SYN1: variants seen among roughly 807,000 people sequenced by gnomAD.
SYN1 encodes the protein synapsin-1.
Under a neutral mutation model 44.6 loss-of-function variants are expected in SYN1, and 8 were observed. The observed-to-expected ratio is 0.18, with a 90% CI of 0.11 to 0.32. The LOEUF (loss-of-function observed/expected upper bound fraction) is 0.32, where lower values mean the gene tolerates loss of function less well. Ranked by LOEUF, SYN1 falls within the 10% of genes least tolerant of loss-of-function variation. The pLI, the probability that SYN1 is intolerant of heterozygous loss-of-function variation, is 1.00. For missense variants in SYN1, 451 were observed against 639.4 expected (o/e 0.71, Z 3.18); for synonymous variants, 275 against 280.1 (o/e 0.98, Z 0.18).
At chrX:47,609,983 G>A (rs1346602165) in intron 1 of SYN1, among the ~76,000 whole-genome samples, 1 of 111,694 alleles carries the variant, frequency 9.0e-6, no homozygotes, top group African/African-American at 3.3e-5. Flanking sequence ...CTTGAGTGAT[G>A]TCAGGGAAAT....
In SYN1 at chrX:47,619,483, G is replaced by A. The variant is rs1448069252; in HGVS notation, c.246C>T (p.Asn82=). The A allele has an allele frequency of 8.3e-7, 1 of 1,198,360 alleles. No individual in the cohort carries two copies. Residue 82 remains asparagine, a synonymous_variant, in exon 1 of 13, where the codon AAC becomes AAT. Coordinates refer to ENST00000295987, the MANE Select transcript of SYN1 (RefSeq NM_006950.3). ...GGGGFFSSLS[N]AVKQTTAAAA... ...CCGCCGCCGTGGTCTGCTTGACCGC[G>A]TTGGACAGCGACGAGAAGAAGCCAC...
chrX:47,585,126 T>C, intron 5 of SYN1: 4 of 1,167,046 alleles, frequency 3.4e-6, no homozygotes, highest in Non-Finnish European at 4.6e-6. Context: ...GATCTTGGGA[T>C]GCTATATGAC....
At chrX:47,579,837 C>T (rs1027052770) in intron 5 of SYN1, among the ~76,000 whole-genome samples, 3 of 104,012 alleles carry the variant, frequency 2.9e-5, no homozygotes, top group African/African-American at 1.0e-4. Context: ...TCCCTTCCTC[C>T]CTGTTTTTGT....
At position 47,577,631 on chromosome X, in the gene SYN1, A is replaced by G. The variant is rs112999731; in HGVS notation, c.775-130T>C. 2,586 of 579,658 alleles carry G rather than the reference A, an allele frequency of 4.5e-3. 45 individuals carry two copies. In the African/African-American group the frequency reaches 0.05, roughly 11 times the overall value. 47.8% of individuals were successfully genotyped at this position (579,658 alleles called of 1,213,427 possible). A position where few individuals can be genotyped will look rare whatever the true frequency, so the allele number is the denominator to read the frequency against. The stretch of plus-strand genomic sequence containing the variant: ...TCACTTCCCAGGACACACAGGTCAG[A>G]GACAGGCAGGCAGCAGCTGGGGGTC... On this transcript the variant is annotated intron_variant, in intron 5 of 12. Coordinates refer to ENST00000295987, the MANE Select transcript of SYN1 (RefSeq NM_006950.3).
chrX:47,600,474 G>C (rs57153412), intron 5 of SYN1, among the ~76,000 whole-genome samples: 8,512 of 111,561 alleles, frequency 0.076, 708 homozygotes, highest in East Asian at 0.23. Context: ...GCTGGAATTA[G>C]AGGTGTGAGC....
At chrX:47,585,518 G>T in intron 5 of SYN1, 2 of 1,197,625 alleles carry the variant, frequency 1.7e-6, no homozygotes, top group Non-Finnish European at 2.3e-6. Context: ...CTGCTTGTCG[G>T]TCCCCGCCCC....
chrX:47,596,764 G>A (rs1310324971), intron 5 of SYN1, among the ~76,000 whole-genome samples: 1 of 111,634 alleles, frequency 9.0e-6, no homozygotes, highest in African/African-American at 3.3e-5. Context: ...GATTCCCAGA[G>A]TTGCCACATT....
At chrX:47,584,057 G>T (rs2057811694) in intron 5 of SYN1, among the ~76,000 whole-genome samples, 1 of 111,265 alleles carries the variant, frequency 9.0e-6, no homozygotes, top group Non-Finnish European at 1.9e-5. Flanking sequence ...TCTGTGGGTG[G>T]AAATTACTAA....
chrX:47,586,430 C>T (rs748369673), intron 5 of SYN1: 13 of 1,138,343 alleles, frequency 1.1e-5, no homozygotes, highest in East Asian at 3.0e-5. Context: ...GTCTCCCCAG[C>T]GGCTCAGTGT....
Position 47,574,739 on chromosome X carries a change from T to A in SYN1, c.1342A>T (p.Thr448Ser), listed in dbSNP as rs770878318. The A allele has an allele frequency of 2.5e-6, 3 of 1,184,764 alleles. No individual in the cohort carries two copies. The African/African-American group carries it at 5.4e-5, about 21-fold the overall frequency. ...GGGGGCCCTGCGGGCTGCTGGGAGGTCTGGCGGCCCAAGGGCAGGGCCCCT... is the reference window on the plus strand; with the variant it reads ...GGGGGCCCTGCGGGCTGCTGGGAGGACTGGCGGCCCAAGGGCAGGGCCCCT... ...SPGALPLGRQ[T>S]SQQPAGPPAQ... The change falls in exon 11 of 13, where the codon ACC becomes TCC. Residue 448 changes from threonine (T) to serine (S), a missense_variant. Transcript: ENST00000295987.
At chrX:47,586,476 G>A in intron 5 of SYN1, 2 of 1,192,729 alleles carry the variant, frequency 1.7e-6, no homozygotes, top group Non-Finnish European at 2.3e-6. Context: ...CTCCACGGGG[G>A]AGGCAGGGAG....
chrX:47,575,426 C>A, intron 9 of SYN1, 152 bp from the exon 10 acceptor site: 1 of 767,123 alleles, frequency 1.3e-6, no homozygotes, highest in Non-Finnish European at 1.9e-6. Flanking sequence ...CTTGTCTGTT[C>A]CAAGGTACCT....
chrX:47,607,214 A>G lies in SYN1; in HGVS notation c.378-16T>C. 1 of 1,204,922 alleles carries G rather than the reference A, an allele frequency of 8.3e-7. No individual in the cohort carries two copies. Among genetic ancestry groups the G allele is most frequent in the Non-Finnish European group, 1.1e-6 (1 of 889,173 alleles). On this transcript the variant is annotated splice_polypyrimidine_tract_variant and intron_variant, in intron 1 of 12. Coordinates refer to ENST00000295987, the MANE Select transcript of SYN1 (RefSeq NM_006950.3). ...GTATTTTGCCCTGGAGAGGAAAAAC[A>G]ACACATCTGTCAATGATGAAATCTC...
intron 3 of SYN1, among the ~76,000 whole-genome samples, chrX:47,606,168 T>C (rs1297135640): frequency 4.5e-5 from 5 of 111,643 alleles, no homozygotes; most frequent in African/African-American, 1.3e-4. Context: ...GCTGGGATTA[T>C]AGGCATGAGC....
At chrX:47,615,172 AAT>A (rs1193434001) in intron 1 of SYN1, among the ~76,000 whole-genome samples, 7 of 112,256 alleles carry the variant, frequency 6.2e-5, no homozygotes, top group Non-Finnish European at 9.4e-5. Context: ...TTGTACAGCA[AAT>A]ATGAGAATAT....
At chrX:47,606,295 C>CTT (rs373349784) in intron 3 of SYN1, among the ~76,000 whole-genome samples, 118 of 99,800 alleles carry the variant, frequency 1.2e-3, no homozygotes, top group South Asian at 0.011. Flanking sequence ...GGTTCTTTTT[C>CTT]TTTTTTTTTT....
chrX:47,606,081 C>T (rs191616317), intron 3 of SYN1, among the ~76,000 whole-genome samples: 1 of 109,223 alleles, frequency 9.2e-6, no homozygotes, highest in Non-Finnish European at 1.9e-5. Context: ...TTAGTAGAGA[C>T]GGGGTTTCAC....
intron 5 of SYN1, chrX:47,583,294 T>G: frequency 1.3e-5 from 7 of 534,385 alleles, no homozygotes; most frequent in Non-Finnish European, 2.1e-5. Flanking sequence ...CAAGCCCAAA[T>G]CCAGCCCCCT....
chrX:47,583,128 T>C (rs1479361225), intron 5 of SYN1, among the ~76,000 whole-genome samples: 1 of 63,635 alleles, frequency 1.6e-5, no homozygotes, highest in Admixed American at 2.2e-4. Context: ...CCCTCATTCC[T>C]CAAACTTCCT....
Sources: allele counts gnomAD v4.1 joint callset (sites outside exome capture counted in the v4.1 genomes callset), GRCh38; gene constraint gnomAD v4.1.1; transcripts MANE v1.5; gene names NCBI Gene and HGNC (gene_info 2026-07-23, HGNC 2026-07-21).